Variants in PEX3 observed in about 807,000 individuals in gnomAD.
PEX3 encodes the protein peroxin-3.
In PEX3, 30 loss-of-function variants were observed where a neutral mutation model predicts 55.8. The ratio of observed to expected loss-of-function variants is 0.54; its 90% CI spans 0.40 to 0.73. PEX3 has a LOEUF of 0.73. Among genes scored for constraint, PEX3 ranks in the 30% least tolerant of loss-of-function variants. PEX3 has a pLI of 0.00. For synonymous variants in PEX3, 135 were observed against 148.4 expected (o/e 0.91, Z 0.66); for missense variants, 351 against 432.8 (o/e 0.81, Z 1.68).
At chr6:143,473,336 A>G (rs1780100624) in intron 8 of PEX3, among the ~76,000 whole-genome samples, 1 of 152,222 alleles carries the variant, frequency 6.6e-6, no homozygotes, top group South Asian at 2.1e-4. Context: ...AACAGAATTA[A>G]TGAAACAGGA....
rs888650294 is a variant in PEX3, at chr6:143,463,553, G to A, written c.287+556G>A. 2.0e-5 allele frequency among the ~76,000 whole-genome samples: 3 copies of A among 151,282 alleles called. No individual in the cohort carries two copies. In the East Asian group the frequency reaches 5.9e-4, roughly 30 times the overall value. ...ACCTTGTATATTGCATGTAGCATGT[G>A]TTGGGGTATTGTAATTTGGTATGAT... On this transcript the variant is annotated intron_variant, in intron 3 of 11. Transcript: ENST00000367591. The surrounding 1 kb of genome is among the most constrained non-coding windows in gnomAD (Gnocchi z 5.7).
In PEX3 at chr6:143,490,452, A is replaced by G. The variant is rs999619029; in HGVS notation, c.*1226A>G. ...GTCTAGAATGTTTTTAAAAATAGGT[A>G]GTGGAGCCATAGCCCTCACCATAGA... On this transcript the variant is annotated 3_prime_UTR_variant, in exon 12 of 12. Coordinates refer to ENST00000367591, the MANE Select transcript of PEX3 (RefSeq NM_003630.3). The surrounding 1 kb of genome is among the most constrained non-coding windows in gnomAD (Gnocchi z 6.0). The G allele has an allele frequency of 2.5e-5, 5 of 201,018 alleles. 1 individual carries two copies. In the South Asian group the frequency reaches 4.5e-4, roughly 18 times the overall value. 12.5% of individuals were successfully genotyped at this position (201,018 alleles called of 1,614,324 possible). A position where few individuals can be genotyped will look rare whatever the true frequency, so the allele number is the denominator to read the frequency against.
At position 143,465,220 on chromosome 6, in the gene PEX3, T is replaced by C. The variant is rs6924268; in HGVS notation, c.287+2223T>C. 0.32 allele frequency among the ~76,000 whole-genome samples: 47,874 copies of C among 151,774 alleles called. 8,631 individuals are homozygous for C. Among genetic ancestry groups the C allele is most frequent in the African/African-American group, 0.5 (20,500 of 41,406 alleles). ...ACAAATCATTTGAAAGGAATATTTG[T>C]GTTGAAGGTACTTTTCTCTGTTCTA... is the stretch of plus-strand genomic sequence containing the variant. On this transcript the variant is annotated intron_variant, in intron 3 of 11. Transcript: ENST00000367591. This position sits in a 1 kb window ranked among gnomAD's most constrained non-coding sequence, Gnocchi z 4.7.
Position 143,489,129 on chromosome 6 carries a change from A to G in PEX3, c.1039-14A>G. 1 of 1,563,242 alleles carries G rather than the reference A, an allele frequency of 6.4e-7. No individual in the cohort carries two copies. The highest frequency in any genetic ancestry group is 8.8e-7 in the Non-Finnish European group (1 of 1,134,090). Reference sequence around the variant, plus strand: ...GTTTTGCAAACTATAATGTTATATTATCATCTTTGCTAGGATCTGTTGACA... The same window carrying G: ...GTTTTGCAAACTATAATGTTATATTGTCATCTTTGCTAGGATCTGTTGACA... On this transcript the variant is annotated splice_polypyrimidine_tract_variant and intron_variant, in intron 11 of 11. Transcript: ENST00000367591. The surrounding 1 kb of genome is among the most constrained non-coding windows in gnomAD (Gnocchi z 5.5).
Position 143,480,813 on chromosome 6 carries a change from C to T in PEX3, c.941+1615C>T, listed in dbSNP as rs546038428. ...ATTGCACGAGCCCAGGAGTTCAAGA[C>T]CAGCCTGGGAAACATAGGGAGAGAC... On this transcript the variant is annotated intron_variant, in intron 10 of 11. Coordinates refer to ENST00000367591, the MANE Select transcript of PEX3 (RefSeq NM_003630.3). Among the ~76,000 whole-genome samples the T allele has an allele frequency of 1.9e-4, 29 of 152,158 alleles. No homozygotes were observed. In the South Asian group the frequency reaches 4.4e-3, roughly 23 times the overall value.
chr6:143,473,197 A>G (rs1584011697), intron 8 of PEX3, among the ~76,000 whole-genome samples: 1 of 152,184 alleles, frequency 6.6e-6, no homozygotes, highest in East Asian at 1.9e-4. Context: ...TGCCAGAGAC[A>G]AAGATGAACC....
chr6:143,470,974 T>C lies in PEX3; in HGVS notation c.345T>C (p.Ser115=), dbSNP rs1337495040. 6.2e-7 allele frequency: 1 copy of C among 1,612,904 alleles called. No individual in the cohort carries two copies. The highest frequency in any genetic ancestry group is 1.7e-5 in the Admixed American group (1 of 60,020). The change falls in exon 5 of 12, where the codon AGT becomes AGC. Residue 115 remains serine, a synonymous_variant. Coordinates refer to ENST00000367591, the MANE Select transcript of PEX3 (RefSeq NM_003630.3). ...TTCTCTGTGAAGGTTTCACAAGAAG[T>C]ACTGTGGCTGTATACAGTACCTGTA... ...EDLKIISFTR[S]TVAVYSTCML...
At chr6:143,472,703 C>T (rs1267100825) in intron 8 of PEX3, among the ~76,000 whole-genome samples, 1 of 152,056 alleles carries the variant, frequency 6.6e-6, no homozygotes, top group Non-Finnish European at 1.5e-5. Context: ...AGCTGAAGGT[C>T]AGGGCAAGAT....
Position 143,479,206 on chromosome 6 carries a change from G to A in PEX3, c.941+8G>A. The A allele has an allele frequency of 1.3e-6, 2 of 1,598,038 alleles. No homozygotes were observed. The highest frequency in any genetic ancestry group is 1.7e-6 in the Non-Finnish European group (2 of 1,165,782). On this transcript the variant is annotated splice_region_variant and intron_variant, in intron 10 of 11. Transcript: ENST00000367591. This position sits in a 1 kb window ranked among gnomAD's most constrained non-coding sequence, Gnocchi z 4.6. ...TGGTAACTCTATGAATAGGTAAGAT[G>A]ACATATAAAAATGTTATACTAATGA...
At position 143,458,427 on chromosome 6, in the gene PEX3, G is replaced by C. The variant is rs1359275321; in HGVS notation, c.74-658G>C. Among the ~76,000 whole-genome samples, 4 of 152,026 alleles carry C rather than the reference G, an allele frequency of 2.6e-5. No homozygotes were observed. The highest frequency in any genetic ancestry group is 5.9e-5 in the Non-Finnish European group (4 of 67,986). ...TCTCAAAGAGATTTTTCTAACACAT[G>C]GATGGATAAATAGACTTCTGCCTGA... is the stretch of plus-strand genomic sequence containing the variant. On this transcript the variant is annotated intron_variant, in intron 1 of 11. Coordinates refer to ENST00000367591, the MANE Select transcript of PEX3 (RefSeq NM_003630.3). This position sits in a 1 kb window ranked among gnomAD's most constrained non-coding sequence, Gnocchi z 6.1.
intron 3 of PEX3, 29 bp from the exon 4 acceptor site, chr6:143,468,093 T>C (rs1490466276): frequency 8.3e-7 from 1 of 1,205,028 alleles, no homozygotes; most frequent in Non-Finnish European, 1.2e-6. Context: ...TAGATTATTA[T>C]TTTCATATTT....
rs368745266 is a variant in PEX3, at chr6:143,472,148, C to G, written c.579-12C>G. 1 of 1,577,098 alleles carries G rather than the reference C, an allele frequency of 6.3e-7. No homozygotes were observed. The highest frequency in any genetic ancestry group is 1.7e-5 in the Admixed American group (1 of 59,936). ...TTTCTATTTATCCCAATTCCCTTTT[C>G]TCTGTTTCTAGTGTTTCTCTTAAAC... On this transcript the variant is annotated splice_polypyrimidine_tract_variant and intron_variant, in intron 7 of 11. Coordinates refer to ENST00000367591, the MANE Select transcript of PEX3 (RefSeq NM_003630.3).
rs1478728767 is a variant in PEX3, at chr6:143,464,566, ATCGGT to A, written c.287+1570_287+1574del. ...AAAAGATGTGATTCTTTTTTTCTTA[ATCGGT>A]ACACAGGGAGGAGAATTTCTTAAAT... On this transcript the variant is annotated intron_variant, in intron 3 of 11. Transcript: ENST00000367591. This position sits in a 1 kb window ranked among gnomAD's most constrained non-coding sequence, Gnocchi z 5.8. Among the ~76,000 whole-genome samples, 3 of 151,948 alleles carry A rather than the reference ATCGGT, an allele frequency of 2.0e-5. No individual in the cohort carries two copies. Among genetic ancestry groups the A allele is most frequent in the Non-Finnish European group, 2.9e-5 (2 of 67,846 alleles).
In PEX3 at chr6:143,451,316, C is replaced by G. The variant is rs979352000; in HGVS notation, c.73+201C>G. ...GAGAAATGCCTCTGTGCCCTTTGCC[C>G]TGTCACCGACTCTTAACTCTGTTTC... is the stretch of plus-strand genomic sequence containing the variant. On this transcript the variant is annotated intron_variant, in intron 1 of 11. Transcript: ENST00000367591. This position sits in a 1 kb window ranked among gnomAD's most constrained non-coding sequence, Gnocchi z 4.1. Among the ~76,000 whole-genome samples, 1 of 152,186 alleles carries G rather than the reference C, an allele frequency of 6.6e-6. No homozygotes were observed. Among genetic ancestry groups the G allele is most frequent in the African/African-American group, 2.4e-5 (1 of 41,442 alleles).
intron 4 of PEX3, 109 bp downstream of exon 4, chr6:143,468,274 T>G (rs1039390770): frequency 1.3e-6 from 1 of 744,746 alleles, no homozygotes; most frequent in Non-Finnish European, 2.4e-6. Flanking sequence ...GAATTGTTGT[T>G]AGTATTAAAT....
chr6:143,468,009 T>G (rs1444671600), intron 3 of PEX3, 113 bp from the exon 4 acceptor site: 1 of 642,970 alleles, frequency 1.6e-6, no homozygotes, highest in African/African-American at 1.8e-5. Flanking sequence ...TCTGCAGTTA[T>G]GCTGTGTTGC....
chr6:143,479,460 C>A lies in PEX3; in HGVS notation c.941+262C>A, dbSNP rs2128747512. On this transcript the variant is annotated intron_variant, in intron 10 of 11. Transcript: ENST00000367591. The surrounding 1 kb of genome is among the most constrained non-coding windows in gnomAD (Gnocchi z 4.6). Reference sequence around the variant, plus strand: ...TAATTACCTTTCTATAAGTTGAATTCCAATTATTGTTTTTTTTTAACTCTT... The same window carrying A: ...TAATTACCTTTCTATAAGTTGAATTACAATTATTGTTTTTTTTTAACTCTT... Among the ~76,000 whole-genome samples the A allele has an allele frequency of 6.6e-6, 1 of 152,082 alleles. No individual in the cohort carries two copies. Among genetic ancestry groups the A allele is most frequent in the South Asian group, 2.1e-4 (1 of 4,826 alleles).
intron 1 of PEX3, among the ~76,000 whole-genome samples, chr6:143,456,250 C>G (rs1779843656): frequency 6.6e-6 from 1 of 152,138 alleles, no homozygotes; most frequent in South Asian, 2.1e-4. Flanking sequence ...TCAATATCTC[C>G]TGTTTTCCAG....
intron 1 of PEX3, among the ~76,000 whole-genome samples, chr6:143,455,127 T>G (rs1388364004): frequency 6.6e-6 from 1 of 151,926 alleles, no homozygotes; most frequent in Non-Finnish European, 1.5e-5. Flanking sequence ...TCAGAGTTTA[T>G]GTACTGGGGA....
Sources: allele counts gnomAD v4.1 joint callset (sites outside exome capture counted in the v4.1 genomes callset), GRCh38; gene constraint gnomAD v4.1.1; non-coding constraint Gnocchi (gnomAD v3.1); transcripts MANE v1.5; gene names NCBI Gene and HGNC (gene_info 2026-07-23, HGNC 2026-07-21).